Variants in CDH13 observed in about 807,000 individuals in gnomAD.
The protein encoded by CDH13 is cadherin-13.
In CDH13, 24 loss-of-function variants were observed where a neutral mutation model predicts 63.8. That is an observed-to-expected ratio of 0.38 (90% confidence interval 0.27 to 0.53). CDH13 has a LOEUF of 0.53. Ranked by LOEUF, CDH13 falls within the 20% of genes least tolerant of loss-of-function variation. The pLI is 0.85. For missense variants in CDH13, 1,049 were observed against 903.1 expected, an observed-to-expected ratio of 1.16 and a Z score of -2.07; for synonymous variants, 503 against 355.3, an observed-to-expected ratio of 1.42 and a Z score of -4.67.
chr16:82,800,023 C>T (rs1209452663), intron 1 of CDH13, among the ~76,000 whole-genome samples: 4 of 152,150 alleles, frequency 2.6e-5, no homozygotes, highest in Admixed American at 2.0e-4. Flanking sequence ...CTACTACACT[C>T]GAATGACATC....
At chr16:83,334,469 T>C (rs1168500640) in intron 5 of CDH13, among the ~76,000 whole-genome samples, 1 of 151,072 alleles carries the variant, frequency 6.6e-6, no homozygotes, top group Non-Finnish European at 1.5e-5. Flanking sequence ...CCTTCCGGGC[T>C]CAAGTGATCC....
At chr16:83,645,579 T>C (rs559952861) in intron 8 of CDH13, among the ~76,000 whole-genome samples, 121 of 151,460 alleles carry the variant, frequency 8.0e-4, no homozygotes, top group African/African-American at 2.8e-3. Flanking sequence ...TTAAAGGTAC[T>C]CCATCAGAAC....
At chr16:82,910,613 C>T (rs566133348) in intron 2 of CDH13, among the ~76,000 whole-genome samples, 114 of 152,248 alleles carry the variant, frequency 7.5e-4, no homozygotes, top group Admixed American at 2.6e-3. Context: ...TTGGAAAATT[C>T]GTTCTGTCCT....
intron 7 of CDH13, among the ~76,000 whole-genome samples, chr16:83,509,777 A>G (rs1198721413): frequency 6.6e-6 from 1 of 152,228 alleles, no homozygotes; most frequent in East Asian, 1.9e-4. Flanking sequence ...TTATGAGTCA[A>G]GCATTGGGCT....
intron 6 of CDH13, among the ~76,000 whole-genome samples, chr16:83,362,668 G>A (rs756826689): frequency 4.6e-5 from 7 of 152,186 alleles, no homozygotes; most frequent in Non-Finnish European, 8.8e-5. Flanking sequence ...GTCTGCCTTT[G>A]CCTGACCTCA....
chr16:82,870,327 G>A (rs1284663247), intron 2 of CDH13, among the ~76,000 whole-genome samples: 1 of 152,250 alleles, frequency 6.6e-6, no homozygotes, highest in East Asian at 1.9e-4. Flanking sequence ...GAGTGCTGGT[G>A]AGGGGGTGGA....
intron 5 of CDH13, among the ~76,000 whole-genome samples, chr16:83,247,061 A>G (rs749909786): frequency 6.6e-6 from 1 of 152,172 alleles, no homozygotes; most frequent in Non-Finnish European, 1.5e-5. Flanking sequence ...TGGATACAGG[A>G]CTGTTTCAGT....
chr16:83,614,785 G>T (rs1909150364), intron 8 of CDH13, among the ~76,000 whole-genome samples: 2 of 152,172 alleles, frequency 1.3e-5, no homozygotes, highest in Admixed American at 1.3e-4. Flanking sequence ...TATAATTCCT[G>T]TGGCAGAAAG....
intron 1 of CDH13, among the ~76,000 whole-genome samples, chr16:82,785,991 G>T (rs184191840): frequency 6.6e-6 from 1 of 152,130 alleles, no homozygotes; most frequent in Non-Finnish European, 1.5e-5. Flanking sequence ...GACCACACAG[G>T]CTAAACTAAT....
At chr16:83,612,153 C>T (rs892734513) in intron 8 of CDH13, among the ~76,000 whole-genome samples, 2 of 152,028 alleles carry the variant, frequency 1.3e-5, no homozygotes, top group Non-Finnish European at 2.9e-5. Context: ...CCTGTTGGTA[C>T]TATTAAATTT....
intron 4 of CDH13, among the ~76,000 whole-genome samples, chr16:83,197,087 C>T (rs539404254): frequency 6.6e-6 from 1 of 152,134 alleles, no homozygotes; most frequent in Non-Finnish European, 1.5e-5. Context: ...TTATTCATAT[C>T]ATGAAATATG....
At chr16:83,368,702 A>G (rs2091300699) in intron 6 of CDH13, among the ~76,000 whole-genome samples, 1 of 150,982 alleles carries the variant, frequency 6.6e-6, no homozygotes. Context: ...CCACAGTCCA[A>G]TACATTATTC....
At chr16:83,499,974 T>A (rs1482790848) in intron 7 of CDH13, among the ~76,000 whole-genome samples, 1 of 152,064 alleles carries the variant, frequency 6.6e-6, no homozygotes, top group African/African-American at 2.4e-5. Flanking sequence ...AGCTAATTTT[T>A]GTATTTTTAG....
intron 10 of CDH13, among the ~76,000 whole-genome samples, chr16:83,683,732 C>A (rs1044562737): frequency 6.6e-6 from 1 of 152,132 alleles, no homozygotes; most frequent in South Asian, 2.1e-4. Flanking sequence ...AGACAAGTCC[C>A]TGAAAATACT....
At chr16:82,629,844 A>T (rs1401944817) in intron 1 of CDH13, among the ~76,000 whole-genome samples, 2 of 152,218 alleles carry the variant, frequency 1.3e-5, no homozygotes, top group Non-Finnish European at 2.9e-5. Flanking sequence ...ATAAGTAATG[A>T]CTGTGAAACA....
intron 2 of CDH13, among the ~76,000 whole-genome samples, chr16:82,937,438 G>GACACAC (rs10626791): frequency 6.7e-4 from 98 of 146,934 alleles, no homozygotes; most frequent in African/African-American, 2.3e-3. Context: ...CACACACACA[G>GACACAC]ACACACACAC....
At chr16:82,854,872 C>T (rs28433236) in intron 1 of CDH13, among the ~76,000 whole-genome samples, 1 of 151,994 alleles carries the variant, frequency 6.6e-6, no homozygotes, top group Admixed American at 6.5e-5. Context: ...TTATATTTAA[C>T]AATTATTGAC....
At chr16:83,121,096 TG>T (rs1030943002) in intron 3 of CDH13, among the ~76,000 whole-genome samples, 11 of 152,162 alleles carry the variant, frequency 7.2e-5, no homozygotes, top group African/African-American at 2.4e-4. Flanking sequence ...GGGTTCGTTT[TG>T]GGTGGTTGGC....
chr16:82,921,868 A>T (rs979435825), intron 2 of CDH13, among the ~76,000 whole-genome samples: 3 of 152,106 alleles, frequency 2.0e-5, no homozygotes, highest in African/African-American at 7.2e-5. Context: ...CTGTAAATCT[A>T]TCTGGGTCTG....
Sources: gnomAD v4.1 joint callset for allele counts (sites outside exome capture counted in the v4.1 genomes callset) on GRCh38, gnomAD v4.1.1 for gene constraint, MANE v1.5 for transcripts, NCBI Gene and HGNC (gene_info 2026-07-23, HGNC 2026-07-21) for gene names.